KLF8: variants seen among roughly 807,000 people sequenced by gnomAD.
The protein encoded by KLF8 is Krueppel-like factor 8.
Under a neutral mutation model 18.2 loss-of-function variants are expected in KLF8, and 10 were observed. That is an observed-to-expected ratio of 0.55 (90% CI 0.34 to 0.93). The LOEUF (loss-of-function observed/expected upper bound fraction) is 0.93, where lower values mean the gene tolerates loss of function less well. Among genes scored for constraint, KLF8 ranks in the 40% least tolerant of loss-of-function variants. The pLI, the probability that KLF8 is intolerant of heterozygous loss-of-function variation, is 0.02. For missense variants in KLF8, 264 were observed against 277.9 expected (o/e 0.95, Z 0.36); for synonymous variants, 109 against 97.3 (o/e 1.12, Z -0.71).
the KLF8 span, among the ~76,000 whole-genome samples, chrX:55,917,429 T>A: frequency 8.9e-6 from 1 of 112,157 alleles, no homozygotes; most frequent in East Asian, 2.8e-4. Flanking sequence ...CAAATAGCAA[T>A]AATAATTAAC....
At chrX:56,090,791 C>T in the KLF8 span, among the ~76,000 whole-genome samples, 97 of 111,475 alleles carry the variant, frequency 8.7e-4, no homozygotes, top group Middle Eastern at 9.2e-3. Context: ...AGAGTCCCAC[C>T]TTTTTGAGTC....
the KLF8 span, among the ~76,000 whole-genome samples, chrX:55,972,639 T>C: frequency 9.0e-6 from 1 of 111,542 alleles, no homozygotes; most frequent in African/African-American, 3.2e-5. Flanking sequence ...ATATTTCATG[T>C]ACCTTTTAAA....
chrX:56,148,928 T>C, the KLF8 span, among the ~76,000 whole-genome samples: 1 of 112,301 alleles, frequency 8.9e-6, no homozygotes, highest in African/African-American at 3.2e-5. Context: ...TTGTGAAATG[T>C]AAATATTGAT....
chrX:56,051,665 A>T, the KLF8 span, among the ~76,000 whole-genome samples: 12 of 110,251 alleles, frequency 1.1e-4, no homozygotes, highest in African/African-American at 2.7e-4. Context: ...CTTCCCTTTG[A>T]GGGTAACCCG....
At chrX:55,947,441 A>T in the KLF8 span, among the ~76,000 whole-genome samples, 19,743 of 98,362 alleles carry the variant, frequency 0.2, 4,589 homozygotes, top group African/African-American at 0.64. Flanking sequence ...GAACAATGAG[A>T]ACACATGGAC....
At chrX:56,231,140 C>T (rs925842074), upstream of KLF8, among the ~76,000 whole-genome samples, 22 of 111,724 alleles carry the variant, frequency 2.0e-4, no homozygotes, top group Non-Finnish European at 7.5e-5. Context: ...GCTTGAGAGG[C>T]AGACAAAGGC....
the KLF8 span, among the ~76,000 whole-genome samples, chrX:56,144,787 G>GTT: frequency 2.5e-5 from 1 of 39,811 alleles, no homozygotes; most frequent in Non-Finnish European, 5.3e-5. Flanking sequence ...AAAAGAAGTT[G>GTT]GTGTTTGTTT....
chrX:55,978,332 G>T, the KLF8 span, among the ~76,000 whole-genome samples: 3 of 111,745 alleles, frequency 2.7e-5, no homozygotes, highest in Non-Finnish European at 5.6e-5. Context: ...ATATGTACAA[G>T]TTGATGTTTT....
chrX:56,161,232 A>C, the KLF8 span, among the ~76,000 whole-genome samples: 1 of 111,625 alleles, frequency 9.0e-6, no homozygotes, highest in African/African-American at 3.3e-5. Context: ...CTCTCTTCTC[A>C]CTTGCAGCAT....
intron 2 of KLF8, 148 bp from the exon 3 acceptor site, chrX:56,265,032 C>T: frequency 1.6e-6 from 1 of 625,224 alleles, no homozygotes; most frequent in Non-Finnish European, 2.3e-6. Flanking sequence ...GTCTGTTTTT[C>T]TCTTTAGTTT....
the KLF8 span, among the ~76,000 whole-genome samples, chrX:56,204,638 A>G: frequency 1.8e-5 from 2 of 110,412 alleles, no homozygotes; most frequent in Non-Finnish European, 3.8e-5. Context: ...TCATAAAGGG[A>G]TGTTGAATTT....
the KLF8 span, among the ~76,000 whole-genome samples, chrX:56,186,586 C>G: frequency 4.5e-5 from 5 of 111,509 alleles, no homozygotes; most frequent in Admixed American, 4.8e-4. Context: ...CTTTTCAGCA[C>G]CACACCACAC....
the KLF8 span, among the ~76,000 whole-genome samples, chrX:56,120,551 C>G: frequency 2.1e-4 from 23 of 111,332 alleles, no homozygotes; most frequent in East Asian, 6.0e-3. Context: ...GGCTTTACCC[C>G]ATTTCCTCCA....
chrX:56,174,727 G>C, the KLF8 span, among the ~76,000 whole-genome samples: 1 of 111,073 alleles, frequency 9.0e-6, no homozygotes, highest in Non-Finnish European at 1.9e-5. Context: ...ATCTGGTCTT[G>C]GCCTTTTTTT....
the KLF8 span, among the ~76,000 whole-genome samples, chrX:56,192,344 G>T: frequency 1.8e-5 from 2 of 111,628 alleles, no homozygotes; most frequent in African/African-American, 6.5e-5. Flanking sequence ...AAGCTGGAAA[G>T]ATATTCCATG....
chrX:55,908,655 C>G, the KLF8 span: 1 of 285,445 alleles, frequency 3.5e-6, no homozygotes, highest in Non-Finnish European at 6.1e-6. Flanking sequence ...AGTCGGTGCC[C>G]ATTCCCCCTA....
chrX:56,074,013 G>C, the KLF8 span, among the ~76,000 whole-genome samples: 1 of 111,917 alleles, frequency 8.9e-6, no homozygotes, highest in African/African-American at 3.2e-5. Flanking sequence ...CTCCCAAAGT[G>C]CTGGAATTAC....
chrX:56,093,077 G>A, the KLF8 span, among the ~76,000 whole-genome samples: 33 of 108,195 alleles, frequency 3.1e-4, no homozygotes, highest in African/African-American at 9.2e-4. Context: ...AGTGTGACAC[G>A]CATGTAATAA....
chrX:56,101,991 T>A, the KLF8 span, among the ~76,000 whole-genome samples: 6 of 111,747 alleles, frequency 5.4e-5, no homozygotes. Flanking sequence ...TTGTTGCTAT[T>A]GTTTTTTAGG....
Sources: allele counts gnomAD v4.1 joint callset (sites outside exome capture counted in the v4.1 genomes callset), GRCh38; gene constraint gnomAD v4.1.1; transcripts MANE v1.5; gene names NCBI Gene and HGNC (gene_info 2026-07-23, HGNC 2026-07-21).